Variants in AEBP2 observed in about 807,000 individuals in gnomAD.
AEBP2 encodes zinc finger protein AEBP2.
In AEBP2, 10 loss-of-function variants were observed where a neutral mutation model predicts 50.8. The ratio of observed to expected loss-of-function variants is 0.20; its 90% CI spans 0.12 to 0.33. The LOEUF (loss-of-function observed/expected upper bound fraction) is 0.33. Ranked by LOEUF, AEBP2 falls within the 10% of genes least tolerant of loss-of-function variation. The pLI is 1.00. For synonymous variants in AEBP2, 296 were observed against 261.3 expected, an observed-to-expected ratio of 1.13 and a Z score of -1.28; for missense variants, 570 against 688.0, an observed-to-expected ratio of 0.83 and a Z score of 1.92.
At chr12:19,449,429 T>C (rs1256011430) in intron 1 of AEBP2, among the ~76,000 whole-genome samples, 1 of 152,176 alleles carries the variant, frequency 6.6e-6, no homozygotes, top group Non-Finnish European at 1.5e-5. Flanking sequence ...AAAATGTGGG[T>C]GAAGTAATCT....
chr12:19,446,663 C>T (rs1401889383), intron 1 of AEBP2, among the ~76,000 whole-genome samples: 3 of 147,514 alleles, frequency 2.0e-5, no homozygotes, highest in African/African-American at 5.0e-5. Flanking sequence ...ACCCAGGAGG[C>T]GGAGCTTGCA....
upstream of AEBP2, among the ~76,000 whole-genome samples, chr12:19,436,041 T>A (rs1396784297): frequency 2.6e-5 from 4 of 152,150 alleles, no homozygotes; most frequent in African/African-American, 9.7e-5. Context: ...TAGGATAAGA[T>A]AGCAGGTCAG....
chr12:19,486,414 C>T (rs1280619730), intron 3 of AEBP2, among the ~76,000 whole-genome samples: 6 of 151,700 alleles, frequency 4.0e-5, no homozygotes, highest in African/African-American at 9.7e-5. Context: ...TTTTTTGAGA[C>T]GGGGTCTCAC....
At chr12:19,437,505 C>T (rs1947873464), upstream of AEBP2, among the ~76,000 whole-genome samples, 1 of 152,092 alleles carries the variant, frequency 6.6e-6, no homozygotes, top group Non-Finnish European at 1.5e-5. Flanking sequence ...TCCTGAGTAG[C>T]TGGGACTACA....
At chr12:19,488,155 G>A (rs1380588650) in intron 3 of AEBP2, among the ~76,000 whole-genome samples, 1 of 141,846 alleles carries the variant, frequency 7.0e-6, no homozygotes, top group Non-Finnish European at 1.5e-5. Flanking sequence ...GCGTAGTTTT[G>A]TTCTGTTGCC....
rs561438929 is a variant in AEBP2 at position 19,502,698 on chromosome 12, G to A, written c.1299+2477G>A. On this transcript the variant is annotated intron_variant, in intron 5 of 7. Transcript: ENST00000266508. ...ACTTTCGCTCTTGTTGCCCAGGCTG[G>A]AGTGCAATGGCATGATCTCGGCTCA... Among the ~76,000 whole-genome samples, 8 of 151,066 alleles carry A rather than the reference G, an allele frequency of 5.3e-5. No homozygotes were observed. In the South Asian group the frequency reaches 1.7e-3, roughly 32 times the overall value.
chr12:19,499,225 C>G (rs1313605785), intron 4 of AEBP2, among the ~76,000 whole-genome samples: 1 of 152,176 alleles, frequency 6.6e-6, no homozygotes, highest in African/African-American at 2.4e-5. Context: ...TGATTGGCAG[C>G]TTTGGTGGAC....
chr12:19,410,320 A>G (rs1409462600), intron 1 of AEBP2, among the ~76,000 whole-genome samples: 1 of 152,164 alleles, frequency 6.6e-6, no homozygotes, highest in Non-Finnish European at 1.5e-5. Context: ...ACTTTCTGCC[A>G]CTATTCTTTC....
intron 1 of AEBP2, among the ~76,000 whole-genome samples, chr12:19,416,491 C>T (rs191231017): frequency 3.4e-4 from 52 of 152,088 alleles, no homozygotes; most frequent in African/African-American, 1.2e-3. Flanking sequence ...CTGCAACCTC[C>T]GTCTCCCAGG....
chr12:19,466,032 T>G (rs1948467196), intron 2 of AEBP2, among the ~76,000 whole-genome samples: 1 of 151,916 alleles, frequency 6.6e-6, no homozygotes, highest in Non-Finnish European at 1.5e-5. Flanking sequence ...TCTCAGGAGT[T>G]CCTGAGGAGG....
intron 1 of AEBP2, among the ~76,000 whole-genome samples, chr12:19,407,964 T>C (rs961780641): frequency 4.0e-5 from 6 of 151,860 alleles, no homozygotes; most frequent in Admixed American, 3.9e-4. Flanking sequence ...GGCAGAAGAA[T>C]TGCTTGAACC....
chr12:19,465,748 A>G (rs1011549093), intron 2 of AEBP2, among the ~76,000 whole-genome samples: 1 of 149,862 alleles, frequency 6.7e-6, no homozygotes, highest in African/African-American at 2.5e-5. Flanking sequence ...AGAAAACTTG[A>G]TCTGATTTTG....
At chr12:19,456,579 T>C in intron 1 of AEBP2, 1 of 1,539,902 alleles carries the variant, frequency 6.5e-7, no homozygotes, top group Non-Finnish European at 9.0e-7. Context: ...AGCACTTATT[T>C]GGCCTGGAAG....
intron 1 of AEBP2, among the ~76,000 whole-genome samples, chr12:19,422,356 C>T (rs2095746255): frequency 6.6e-6 from 1 of 152,126 alleles, no homozygotes; most frequent in Admixed American, 6.6e-5. Context: ...TAGGAATTCA[C>T]ACCCTGGGGC....
At chr12:19,469,806 A>G (rs1017289586) in intron 2 of AEBP2, among the ~76,000 whole-genome samples, 3 of 152,214 alleles carry the variant, frequency 2.0e-5, no homozygotes, top group Non-Finnish European at 4.4e-5. Context: ...TTGCTGTACC[A>G]TGAGAGACTG....
Position 19,518,657 on chromosome 12 carries a change from A to G in AEBP2, c.*540A>G, listed in dbSNP as rs1042212925. The G allele has an allele frequency of 2.7e-6, 4 of 1,469,666 alleles. No homozygotes were observed. Among genetic ancestry groups the G allele is most frequent in the Admixed American group, 4.1e-5 (2 of 48,954 alleles). The allele number at this position is 1,469,666 out of a possible 1,614,324, so 91.0% of individuals were successfully genotyped here. On this transcript the variant is annotated 3_prime_UTR_variant, in exon 8 of 8. Coordinates refer to ENST00000266508, the MANE Select transcript of AEBP2 (RefSeq NM_153207.5). ...TGATAAATAGATGTGATTGGTTGCC[A>G]TTTGTGTTCTTTTGCAGAACTCTGA...
In AEBP2 at chr12:19,439,601, G is replaced by C. The variant is rs1947902544; in HGVS notation, c.-99G>C. 2.1e-6 allele frequency: 3 copies of C among 1,424,686 alleles called. No homozygotes were observed. The highest frequency in any genetic ancestry group is 2.8e-6 in the Non-Finnish European group (3 of 1,077,412). 88.3% of individuals were successfully genotyped at this position (1,424,686 alleles called of 1,614,324 possible). On this transcript the variant is annotated 5_prime_UTR_variant, in exon 1 of 8. Transcript: ENST00000266508. ...CCTCCTCCTGCTCTGCAGCGGCGTCGGCGGAGTTTTGGGCGTTTGGGAGGG... is the reference window on the plus strand; with the variant it reads ...CCTCCTCCTGCTCTGCAGCGGCGTCCGCGGAGTTTTGGGCGTTTGGGAGGG...
At chr12:19,422,454 T>C (rs139114662) in intron 1 of AEBP2, among the ~76,000 whole-genome samples, 5 of 151,918 alleles carry the variant, frequency 3.3e-5, no homozygotes, top group African/African-American at 1.2e-4. Flanking sequence ...TTTAAAAAAT[T>C]TATACCGGAA....
intron 5 of AEBP2, among the ~76,000 whole-genome samples, chr12:19,501,960 A>G (rs1949088615): frequency 6.6e-6 from 1 of 152,110 alleles, no homozygotes; most frequent in African/African-American, 2.4e-5. Context: ...AGTACAGTGT[A>G]CCAACTATTT....
Sources: gnomAD v4.1 joint callset for allele counts (sites outside exome capture counted in the v4.1 genomes callset) on GRCh38, gnomAD v4.1.1 for gene constraint, MANE v1.5 for transcripts, NCBI Gene and HGNC (gene_info 2026-07-23, HGNC 2026-07-21) for gene names.